The following WWOX variants were observed in gnomAD, a reference collection of about 807,000 sequenced individuals.
WWOX encodes the protein WW domain containing oxidoreductase, also known as WW domain-containing oxidoreductase.
A neutral mutation model predicts 46.2 loss-of-function variants in WWOX; 69 were observed. The ratio of observed to expected loss-of-function variants is 1.49; its 90% CI spans 1.23 to 1.82. The LOEUF (loss-of-function observed/expected upper bound fraction) is 1.82, where lower values mean the gene tolerates loss of function less well. Ranked by LOEUF, WWOX falls within the 40% of genes most tolerant of loss-of-function variation. The probability of loss-of-function intolerance (pLI) is 0.00; values close to 1 mark genes in which losing one functional copy is unlikely to be tolerated. For missense variants in WWOX, 919 were observed against 542.6 expected (o/e 1.69, Z -6.89); for synonymous variants, 359 against 202.6 (o/e 1.77, Z -6.56).
At position 78,350,694 on chromosome 16, in the gene WWOX, A is replaced by G. The variant is rs957404314; in HGVS notation, c.517-36166A>G. On this transcript the variant is annotated intron_variant, in intron 5 of 8. Coordinates refer to ENST00000566780, the MANE Select transcript of WWOX (RefSeq NM_016373.4). ...CGGATATGCCACATTTCATCTATGC[A>G]TTCAGTTCACGGACATGTAGGTTGT... 1.6e-5 allele frequency among the ~76,000 whole-genome samples: 2 copies of G among 121,448 alleles called. 1 individual carries two copies. Among genetic ancestry groups the G allele is most frequent in the Admixed American group, 1.6e-4 (2 of 12,466 alleles). The allele number at this position is 121,448 out of a possible 152,430, so 79.7% of individuals were successfully genotyped here.
chr16:78,732,543 T>TGTG, intron 8 of WWOX, among the ~76,000 whole-genome samples: 1 of 152,280 alleles, frequency 6.6e-6, no homozygotes. Context: ...GAATAGCGCA[T>TGTG]GTGGTAGATT....
intron 8 of WWOX, among the ~76,000 whole-genome samples, chr16:78,576,487 T>C (rs546498743): frequency 1.3e-5 from 2 of 152,296 alleles, no homozygotes; most frequent in South Asian, 4.1e-4. Flanking sequence ...TGTTTTTCCA[T>C]TTCGGTTTCC....
intron 8 of WWOX, among the ~76,000 whole-genome samples, chr16:78,801,592 G>T (rs1025101292): frequency 2.0e-5 from 3 of 152,102 alleles, no homozygotes; most frequent in African/African-American, 7.2e-5. Flanking sequence ...AGTCCTTACT[G>T]GGCAAATTTT....
rs1259763715 is a variant in WWOX, at chr16:78,406,382, CT to C, written c.606-18486del. On this transcript the variant is annotated intron_variant, in intron 6 of 8. Coordinates refer to ENST00000566780, the MANE Select transcript of WWOX (RefSeq NM_016373.4). Reference sequence around the variant, plus strand: ...TTATTATTTTTTTTTGAGACGGAGTCTTGCTCTGTCACCAGGCTGGAGTGCA... The same window carrying C: ...TTATTATTTTTTTTTGAGACGGAGTCTGCTCTGTCACCAGGCTGGAGTGCA... Among the ~76,000 whole-genome samples, 216 of 130,922 alleles carry C rather than the reference CT, an allele frequency of 1.6e-3. 4 individuals carry two copies. The Admixed American group carries it at 0.017, about 10-fold the overall frequency. The allele number at this position is 130,922 out of a possible 152,430, so 85.9% of individuals were successfully genotyped here.
chr16:78,476,357 CAAA>C (rs369437818), intron 8 of WWOX, among the ~76,000 whole-genome samples: 1 of 151,964 alleles, frequency 6.6e-6, no homozygotes, highest in African/African-American at 2.4e-5. Flanking sequence ...GTTGCAAGGA[CAAA>C]AAACCAAACA....
intron 8 of WWOX, among the ~76,000 whole-genome samples, chr16:78,641,123 C>T (rs1047250657): frequency 6.6e-6 from 1 of 152,062 alleles, no homozygotes; most frequent in Non-Finnish European, 1.5e-5. Context: ...TGGTTGTGAA[C>T]AGGTGCCTCC....
At chr16:78,264,240 G>T (rs1397847903) in intron 5 of WWOX, among the ~76,000 whole-genome samples, 1 of 152,042 alleles carries the variant, frequency 6.6e-6, no homozygotes, top group East Asian at 1.9e-4. Flanking sequence ...CCTGGTGACT[G>T]TCCTGAAAGC....
At chr16:78,465,063 A>C (rs375983677) in intron 8 of WWOX, among the ~76,000 whole-genome samples, 1 of 152,196 alleles carries the variant, frequency 6.6e-6, no homozygotes, top group Non-Finnish European at 1.5e-5. Context: ...ACCAGATCTC[A>C]TGAGATTTAT....
chr16:79,124,760 A>G (rs937691148), intron 8 of WWOX, among the ~76,000 whole-genome samples: 1 of 152,240 alleles, frequency 6.6e-6, no homozygotes, highest in Non-Finnish European at 1.5e-5. Flanking sequence ...AAGAGAAACT[A>G]AATTGGTTAG....
chr16:78,120,818 A>G (rs986836348), intron 4 of WWOX, among the ~76,000 whole-genome samples: 1 of 152,202 alleles, frequency 6.6e-6, no homozygotes, highest in African/African-American at 2.4e-5. Flanking sequence ...GAAGAAAATT[A>G]CTTTTTCTTC....
intron 8 of WWOX, among the ~76,000 whole-genome samples, chr16:78,780,633 G>A (rs1054313413): frequency 2.0e-5 from 3 of 152,306 alleles, no homozygotes; most frequent in African/African-American, 7.2e-5. Context: ...TTTTAAGGAG[G>A]TGATGTTTGA....
chr16:78,761,393 T>C (rs557201418), intron 8 of WWOX, among the ~76,000 whole-genome samples: 1 of 152,290 alleles, frequency 6.6e-6, no homozygotes, highest in East Asian at 1.9e-4. Context: ...ATTTACATTT[T>C]AATTTAGTTT....
intron 4 of WWOX, chr16:78,124,162 T>C (rs1357746008): frequency 6.6e-6 from 1 of 152,150 alleles, no homozygotes; most frequent in East Asian, 1.9e-4. Context: ...TTATATACTT[T>C]TATTTATATA....
At chr16:79,017,259 TA>T (rs2047433861) in intron 8 of WWOX, 1 of 150,750 alleles carries the variant, frequency 6.6e-6, no homozygotes, top group African/African-American at 2.4e-5. Context: ...TGAAACCCCA[TA>T]TCTCCTAAAA....
At chr16:78,850,514 C>T (rs968994873) in intron 8 of WWOX, among the ~76,000 whole-genome samples, 1 of 152,176 alleles carries the variant, frequency 6.6e-6, no homozygotes, top group Non-Finnish European at 1.5e-5. Flanking sequence ...AGTTTTTTTA[C>T]TGCTAAGAAT....
At chr16:79,007,568 A>G (rs899313046) in intron 8 of WWOX, among the ~76,000 whole-genome samples, 5 of 152,242 alleles carry the variant, frequency 3.3e-5, no homozygotes, top group Admixed American at 3.3e-4. Context: ...TCCCCACTAC[A>G]TAGGCATGCT....
chr16:78,432,021 T>G (rs2083230612), intron 7 of WWOX, among the ~76,000 whole-genome samples: 1 of 152,188 alleles, frequency 6.6e-6, no homozygotes, highest in South Asian at 2.1e-4. Context: ...TGACCTGTGT[T>G]TATATTGTTA....
At chr16:78,609,353 T>C (rs2045842610) in intron 8 of WWOX, among the ~76,000 whole-genome samples, 1 of 152,162 alleles carries the variant, frequency 6.6e-6, no homozygotes, top group Non-Finnish European at 1.5e-5. Flanking sequence ...TATTTTATTT[T>C]CTTGCTCAGA....
intron 8 of WWOX, among the ~76,000 whole-genome samples, chr16:78,691,872 G>T (rs148400386): frequency 0.046 from 6,946 of 152,234 alleles, 231 homozygotes; most frequent in African/African-American, 0.087. Context: ...CACATGTTGT[G>T]GGAGGGACCC....
Sources: allele counts gnomAD v4.1 joint callset (sites outside exome capture counted in the v4.1 genomes callset), GRCh38; gene constraint gnomAD v4.1.1; transcripts MANE v1.5; gene names NCBI Gene and HGNC (gene_info 2026-07-23, HGNC 2026-07-21).